The following LAMB1 variants were observed in gnomAD, a reference collection of about 807,000 sequenced individuals.
LAMB1 encodes the protein laminin subunit beta 1, also known as laminin subunit beta-1.
In LAMB1, 121 loss-of-function variants were observed where a neutral mutation model predicts 222.3. That is an observed-to-expected ratio of 0.54 (90% confidence interval 0.47 to 0.63). The LOEUF is 0.63. Among genes scored for constraint, LAMB1 ranks in the 30% least tolerant of loss-of-function variants. LAMB1 has a pLI of 0.00. For missense variants in LAMB1, 2,172 were observed against 2,240.8 expected, an observed-to-expected ratio of 0.97 and a Z score of 0.62; for synonymous variants, 794 against 807.2, an observed-to-expected ratio of 0.98 and a Z score of 0.28.
chr7:107,993,202 C>T (rs1486008337), intron 5 of LAMB1, among the ~76,000 whole-genome samples: 6 of 152,186 alleles, frequency 3.9e-5, no homozygotes, highest in East Asian at 3.9e-4. Flanking sequence ...GGCATGATCT[C>T]GGCTCACTGC....
intron 3 of LAMB1, among the ~76,000 whole-genome samples, chr7:108,000,449 T>G (rs1310688319): frequency 6.6e-6 from 1 of 152,198 alleles, no homozygotes; most frequent in Non-Finnish European, 1.5e-5. Context: ...TACAGGTGGG[T>G]GGGCTGACCA....
In LAMB1 at chr7:107,931,741, T is replaced by C. The variant is rs1035563730; in HGVS notation, c.4393-241A>G. ...TAGCATTTAAAATTTTTCAAGTTGT[T>C]TTTTAACTCCTGGCCTATAAAATAG... On this transcript the variant is annotated intron_variant, in intron 28 of 33. Transcript: ENST00000222399. The C allele has an allele frequency of 1.2e-5, 6 of 519,268 alleles. No homozygotes were observed. In the African/African-American group the frequency reaches 1.2e-4, roughly 10 times the overall value. The allele number at this position is 519,268 out of a possible 1,614,324, so 32.2% of individuals were successfully genotyped here. A position where few individuals can be genotyped will look rare whatever the true frequency, so the allele number is the denominator to read the frequency against.
At chr7:107,944,884 C>T (rs2033083326) in intron 24 of LAMB1, among the ~76,000 whole-genome samples, 1 of 152,186 alleles carries the variant, frequency 6.6e-6, no homozygotes, top group Admixed American at 6.5e-5. Context: ...ACTATTCAGG[C>T]TGCAGCTGAT....
intron 13 of LAMB1, 148 bp from the exon 14 acceptor site, chr7:107,964,835 A>AC: frequency 1.1e-6 from 1 of 935,038 alleles, no homozygotes; most frequent in Non-Finnish European, 1.6e-6. Context: ...ATGTGGAAAA[A>AC]AGTAGTGCCT....
At chr7:107,991,905 CAA>C (rs71134302) in intron 5 of LAMB1, among the ~76,000 whole-genome samples, 10 of 91,958 alleles carry the variant, frequency 1.1e-4, no homozygotes, top group Admixed American at 2.5e-4. Flanking sequence ...GACTTCGTCT[CAA>C]AAAAAAAAAA....
chr7:107,928,027 A>G (rs1409835838), intron 31 of LAMB1, among the ~76,000 whole-genome samples: 5 of 152,220 alleles, frequency 3.3e-5, no homozygotes, highest in Non-Finnish European at 7.3e-5. Flanking sequence ...TAACTCATCA[A>G]TTTTCTTCAT....
intron 5 of LAMB1, among the ~76,000 whole-genome samples, chr7:107,992,097 T>C (rs542812849): frequency 9.9e-5 from 15 of 152,220 alleles, no homozygotes; most frequent in African/African-American, 3.6e-4. Context: ...GCTGAGCAAA[T>C]CCTGACCCAC....
intron 24 of LAMB1, among the ~76,000 whole-genome samples, chr7:107,949,592 G>A (rs2033198446): frequency 6.6e-6 from 1 of 152,214 alleles, no homozygotes; most frequent in Non-Finnish European, 1.5e-5. Context: ...AAGAGGGGAT[G>A]TCAGATCTCA....
intron 5 of LAMB1, among the ~76,000 whole-genome samples, chr7:107,991,516 G>GGCA (rs1308140599): frequency 6.6e-6 from 1 of 152,006 alleles, no homozygotes; most frequent in Admixed American, 6.6e-5. Context: ...GAACCCAGGA[G>GGCA]GCAGAGGCTG....
At position 107,929,175 on chromosome 7, in the gene LAMB1, T is replaced by G; in HGVS notation, c.4776A>C (p.Ala1592=). The change falls in exon 31 of 34, where the codon GCA becomes GCC. Residue 1592 remains alanine (A), a synonymous_variant. Transcript: ENST00000222399. ...SKSATDVKVT[A]DMVKEALEEA... ...CTTCCAGAGCTTCCTTTACCATATC[T>G]GCAGTGACTTTAACATCTGTTGCAC... The G allele has an allele frequency of 6.2e-7, 1 of 1,614,088 alleles. No individual in the cohort carries two copies. Among genetic ancestry groups the G allele is most frequent in the Non-Finnish European group, 8.5e-7 (1 of 1,179,976 alleles).
Position 108,002,914 on chromosome 7 carries a change from G to T in LAMB1, c.-29C>A. 1 of 1,613,212 alleles carries T rather than the reference G, an allele frequency of 6.2e-7. No homozygotes were observed. Among genetic ancestry groups the T allele is most frequent in the East Asian group, 2.2e-5 (1 of 44,832 alleles). On this transcript the variant is annotated 5_prime_UTR_variant, in exon 2 of 34. Coordinates refer to ENST00000222399, the MANE Select transcript of LAMB1 (RefSeq NM_002291.3). ...GGCTCCCTGCAGCCACGGGGACGCGGCAGAGGAGTGGAGAAGACGCCCGCC... is the reference window on the plus strand; with the variant it reads ...GGCTCCCTGCAGCCACGGGGACGCGTCAGAGGAGTGGAGAAGACGCCCGCC...
intron 25 of LAMB1, among the ~76,000 whole-genome samples, chr7:107,937,642 T>A (rs754344348): frequency 1.2e-4 from 18 of 152,116 alleles, no homozygotes; most frequent in Non-Finnish European, 2.6e-4. Flanking sequence ...AAGACATAAA[T>A]GACTCCAGTT....
At chr7:107,953,831 T>A in intron 21 of LAMB1, 77 bp from the exon 22 acceptor site, 2 of 1,247,408 alleles carry the variant, frequency 1.6e-6, no homozygotes, top group Non-Finnish European at 2.4e-6. Context: ...CACTCATGCC[T>A]AGAGAGAGCT....
chr7:107,932,573 A>T (rs1276927582), intron 27 of LAMB1, 196 bp from the exon 28 acceptor site: 2 of 601,986 alleles, frequency 3.3e-6, no homozygotes, highest in Non-Finnish European at 5.9e-6. Flanking sequence ...ATTTCCAAGG[A>T]AACAATGGAA....
At position 107,960,448 on chromosome 7, in the gene LAMB1, G is replaced by A. The variant is rs1395661527; in HGVS notation, c.2311C>T (p.Leu771=). Residue 771 remains leucine (L), a synonymous_variant, in exon 18 of 34, where the codon CTG becomes TTG. Coordinates refer to ENST00000222399, the MANE Select transcript of LAMB1 (RefSeq NM_002291.3). ...GCAGCTGCCCAGCAATACCTACCCA[G>A]GCCTGTCTGGTGTAACAGGGCAGAA... is the stretch of plus-strand genomic sequence containing the variant. ...SISALLHQTG[L]ACECDPQGSL... The A allele has an allele frequency of 2.5e-6, 4 of 1,613,306 alleles. No individual in the cohort carries two copies. The South Asian group carries it at 3.3e-5, about 13-fold the overall frequency.
At chr7:107,975,907 CT>C in intron 9 of LAMB1, 30 bp from the exon 10 acceptor site, 1 of 1,597,066 alleles carries the variant, frequency 6.3e-7, no homozygotes, top group Non-Finnish European at 8.5e-7. Context: ...TCAAGAAAAG[CT>C]TTTTAAATCT....
chr7:107,930,493 A>G (rs1584483379), intron 29 of LAMB1, among the ~76,000 whole-genome samples: 1 of 152,326 alleles, frequency 6.6e-6, no homozygotes, highest in South Asian at 2.1e-4. Context: ...ACCTGCCTCT[A>G]AGTCAGGTAA....
intron 8 of LAMB1, among the ~76,000 whole-genome samples, chr7:107,979,873 AGATCAGCCT>A (rs2033939291): frequency 6.6e-6 from 1 of 152,326 alleles, no homozygotes; most frequent in East Asian, 1.9e-4. Flanking sequence ...CAGGAGTTTG[AGATCAGCCT>A]GACCAATATG....
At chr7:107,981,067 T>C (rs2033963059) in intron 7 of LAMB1, among the ~76,000 whole-genome samples, 1 of 152,132 alleles carries the variant, frequency 6.6e-6, no homozygotes, top group Admixed American at 6.5e-5. Context: ...ATTCCAGCAC[T>C]TTGGGAGGCC....
Sources: allele counts gnomAD v4.1 joint callset (sites outside exome capture counted in the v4.1 genomes callset), GRCh38; gene constraint gnomAD v4.1.1; transcripts MANE v1.5; gene names NCBI Gene and HGNC (gene_info 2026-07-23, HGNC 2026-07-21).